Variants in BRCC3 observed in about 807,000 individuals in gnomAD.
BRCC3 encodes BRCA1/BRCA2-containing complex subunit 3, also known as lys-63-specific deubiquitinase BRCC36.
A neutral mutation model predicts 28.0 loss-of-function variants in BRCC3; 15 were observed. That is an observed-to-expected ratio of 0.54 (90% CI 0.36 to 0.82). The LOEUF is 0.82. Ranked by LOEUF, BRCC3 falls within the 40% of genes least tolerant of loss-of-function variation. The probability of loss-of-function intolerance (pLI) is 0.01; values close to 1 mark genes in which losing one functional copy is unlikely to be tolerated. For synonymous variants in BRCC3, 66 were observed against 80.3 expected, an observed-to-expected ratio of 0.82 and a Z score of 0.95; for missense variants, 109 against 225.9, an observed-to-expected ratio of 0.48 and a Z score of 3.32.
chrX:155,084,653 G>A (rs782314402), intron 5 of BRCC3, among the ~76,000 whole-genome samples: 6 of 112,141 alleles, frequency 5.4e-5, no homozygotes, highest in African/African-American at 1.6e-4. Context: ...CTGAGCCACC[G>A]TGCCCAGCCC....
intron 2 of BRCC3, 58 bp from the exon 3 acceptor site, chrX:155,073,319 T>G (rs2124228445): frequency 8.9e-7 from 1 of 1,124,704 alleles, no homozygotes; most frequent in Non-Finnish European, 1.2e-6. Context: ...TTTGCTTTAA[T>G]TCCTTTTTAT....
chrX:155,107,088 G>C (rs1274028553), intron 7 of BRCC3, among the ~76,000 whole-genome samples: 1 of 110,223 alleles, frequency 9.1e-6, no homozygotes, highest in Non-Finnish European at 1.9e-5. Context: ...TTTTTATTTA[G>C]TTATTTTTTT....
At chrX:155,088,617 T>G (rs1557295232) in intron 5 of BRCC3, among the ~76,000 whole-genome samples, 1 of 111,642 alleles carries the variant, frequency 9.0e-6, no homozygotes, top group African/African-American at 3.3e-5. Context: ...CCTCCCAAAG[T>G]GCTAGGATTA....
At chrX:155,111,073 A>G in intron 7 of BRCC3, among the ~76,000 whole-genome samples, 1 of 111,987 alleles carries the variant, frequency 8.9e-6, no homozygotes, top group Non-Finnish European at 1.9e-5. Flanking sequence ...TATGTTGGAA[A>G]TATCTGACAA....
chrX:155,102,639 C>T (rs1557297002), intron 7 of BRCC3, among the ~76,000 whole-genome samples: 4 of 111,630 alleles, frequency 3.6e-5, no homozygotes, highest in South Asian at 3.7e-4. Context: ...CTGGTAAGAG[C>T]GGTCATGGTA....
intron 7 of BRCC3, among the ~76,000 whole-genome samples, chrX:155,100,965 C>T (rs1243672169): frequency 9.1e-6 from 1 of 110,391 alleles, no homozygotes; most frequent in Non-Finnish European, 1.9e-5. Flanking sequence ...GTGATCACGG[C>T]TCACAGCAGC....
rs1569560423 is a variant in BRCC3 at position 155,075,309 on chromosome X, C to CTGGTT, written c.196-1860_196-1859insGGTTT. ...ACTCTTTCCCCTGGCCCTTCTTGTT[C>CTGGTT]TTCCCCACACTAAATGTGGCCACTC... On this transcript the variant is annotated intron_variant, in intron 3 of 10. Coordinates refer to ENST00000330045, the MANE Select transcript of BRCC3 (RefSeq NM_001018055.3). Among the ~76,000 whole-genome samples the CTGGTT allele has an allele frequency of 3.5e-4, 38 of 108,959 alleles. 1 individual carries two copies. The highest frequency in any genetic ancestry group is 2.5e-3 in the Admixed American group (26 of 10,547). The allele number at this position is 108,959 out of a possible 115,157, so 94.6% of individuals were successfully genotyped here.
chrX:155,071,756 G>A (rs1024748327), intron 1 of BRCC3, 106 bp downstream of exon 1: 1 of 924,830 alleles, frequency 1.1e-6, no homozygotes, highest in African/African-American at 2.0e-5. Context: ...AGGCATCCTC[G>A]ATTTAGGTCC....
At chrX:155,099,543 T>C (rs1557296663) in intron 7 of BRCC3, among the ~76,000 whole-genome samples, 1 of 112,001 alleles carries the variant, frequency 8.9e-6, no homozygotes, top group East Asian at 2.8e-4. Flanking sequence ...GGAAATCTAG[T>C]CTTTTACTTC....
chrX:155,092,095 C>T (rs2074178879), intron 7 of BRCC3, among the ~76,000 whole-genome samples: 1 of 111,739 alleles, frequency 8.9e-6, no homozygotes, highest in South Asian at 3.7e-4. Context: ...TTTGATATCT[C>T]TAAATAATAT....
At chrX:155,085,781 G>A (rs2074120056) in intron 5 of BRCC3, among the ~76,000 whole-genome samples, 1 of 111,928 alleles carries the variant, frequency 8.9e-6, no homozygotes, top group Admixed American at 9.4e-5. Flanking sequence ...CTCAAGCAGG[G>A]TCTTGGCTTG....
intron 2 of BRCC3, among the ~76,000 whole-genome samples, chrX:155,072,624 C>T (rs1557292779): frequency 9.0e-6 from 1 of 111,273 alleles, no homozygotes; most frequent in Non-Finnish European, 1.9e-5. Flanking sequence ...TGCAGTGGCG[C>T]GATCTCTGCT....
At chrX:155,113,063 T>G (rs2074331559) in intron 7 of BRCC3, among the ~76,000 whole-genome samples, 1 of 103,696 alleles carries the variant, frequency 9.6e-6, no homozygotes, top group Admixed American at 1.0e-4. Flanking sequence ...ATCATACTAC[T>G]CAAAGTGATC....
At chrX:155,097,163 T>C (rs1557296342) in intron 7 of BRCC3, among the ~76,000 whole-genome samples, 1 of 111,206 alleles carries the variant, frequency 9.0e-6, no homozygotes, top group African/African-American at 3.3e-5. Flanking sequence ...TGGGACTATA[T>C]CAAACTAAAA....
intron 7 of BRCC3, among the ~76,000 whole-genome samples, chrX:155,111,166 C>T (rs1303389812): frequency 1.8e-5 from 2 of 111,053 alleles, no homozygotes; most frequent in Non-Finnish European, 3.8e-5. Flanking sequence ...GAAAAAGTAT[C>T]ATATAAGAAA....
At chrX:155,111,587 C>G (rs1384607014) in intron 7 of BRCC3, among the ~76,000 whole-genome samples, 1 of 111,712 alleles carries the variant, frequency 9.0e-6, no homozygotes, top group Non-Finnish European at 1.9e-5. Flanking sequence ...GGACCACTAT[C>G]TTCACCCAAT....
At chrX:155,109,781 CTTA>C (rs1290560700) in intron 7 of BRCC3, among the ~76,000 whole-genome samples, 3 of 111,260 alleles carry the variant, frequency 2.7e-5, no homozygotes, top group Non-Finnish European at 5.7e-5. Flanking sequence ...TCTTTCATGC[CTTA>C]TTATACTGTC....
At chrX:155,098,875 G>A (rs782271151) in intron 7 of BRCC3, among the ~76,000 whole-genome samples, 2 of 112,260 alleles carry the variant, frequency 1.8e-5, no homozygotes, top group South Asian at 3.7e-4. Context: ...AGAGAGATGT[G>A]TATGTATAAA....
At position 155,116,711 on chromosome X, in the gene BRCC3, C is replaced by A; in HGVS notation, c.681C>A (p.Ser227Arg). The part of the protein sequence containing the change: ...EEQDAYRRIH[S>R]LTHLDSVTKI... ...TAACCTAAACTATTTTATTCTTTAG[C>A]CTTACACATCTGGACTCAGTAACCA... The change falls in exon 9 of 11, where the codon AGC becomes AGA. Residue 227 changes from serine (S) to arginine (R), a missense_variant and splice_region_variant. This residue lies in a region of BRCC3 where 50 missense variants were observed against 115.2 expected (regional missense o/e 0.43). Coordinates refer to ENST00000330045, the MANE Select transcript of BRCC3 (RefSeq NM_001018055.3). 1 of 1,172,336 alleles carries A rather than the reference C, an allele frequency of 8.5e-7. No individual in the cohort carries two copies. Among genetic ancestry groups the A allele is most frequent in the Non-Finnish European group, 1.2e-6 (1 of 868,929 alleles).
Sources: gnomAD v4.1 joint callset for allele counts (sites outside exome capture counted in the v4.1 genomes callset) on GRCh38, gnomAD v4.1.1 for gene constraint, gnomAD v4.1.1 regional missense constraint, MANE v1.5 for transcripts, NCBI Gene and HGNC (gene_info 2026-07-23, HGNC 2026-07-21) for gene names.